PLCL2: variants seen among roughly 807,000 people sequenced by gnomAD.
The protein encoded by PLCL2 is inactive phospholipase C-like protein 2.
Under a neutral mutation model 79.6 loss-of-function variants are expected in PLCL2, and 4 were observed. The observed-to-expected ratio is 0.05, with a 90% CI of 0.02 to 0.11. PLCL2 has a LOEUF of 0.11. Ranked by LOEUF, PLCL2 falls within the 10% of genes least tolerant of loss-of-function variation. PLCL2 has a pLI of 1.00. For missense variants in PLCL2, 895 were observed against 1,291.0 expected, an observed-to-expected ratio of 0.69 and a Z score of 4.70; for synonymous variants, 484 against 457.7, an observed-to-expected ratio of 1.06 and a Z score of -0.73.
At chr3:16,972,892 G>A (rs1254663465) in intron 1 of PLCL2, among the ~76,000 whole-genome samples, 2 of 151,904 alleles carry the variant, frequency 1.3e-5, no homozygotes, top group African/African-American at 4.8e-5. Flanking sequence ...ATATAAAATG[G>A]GTCTCTTAAA....
intron 1 of PLCL2, among the ~76,000 whole-genome samples, chr3:16,986,490 C>T (rs2064051782): frequency 2.6e-5 from 4 of 152,116 alleles, no homozygotes; most frequent in South Asian, 2.1e-4. Flanking sequence ...CAACCCCCAC[C>T]GCCTGAGTTC....
intron 1 of PLCL2, among the ~76,000 whole-genome samples, chr3:16,999,674 T>C (rs2064187502): frequency 6.6e-6 from 1 of 152,194 alleles, no homozygotes; most frequent in Non-Finnish European, 1.5e-5. Context: ...CTGTGGGTGA[T>C]TCCTAAACTA....
chr3:16,885,223 G>A lies in PLCL2; in HGVS notation c.184G>A (p.Gly62Ser). Reference sequence around the variant, plus strand: ...GGTTTCCAACGGAGACTGCAGCCTCGGCGTGTCCGGGGACGAAGCCCGGGC... The same window carrying A: ...GGTTTCCAACGGAGACTGCAGCCTCAGCGTGTCCGGGGACGAAGCCCGGGC... Reference protein sequence around the residue: ...GGVSNGDCSLGVSGDEARASP... With the variant: ...GGVSNGDCSLSVSGDEARASP... The change falls in exon 1 of 6, where the codon GGC becomes AGC. Residue 62 changes from glycine (G) to serine (S), a missense_variant. Transcript: ENST00000615277. The A allele has an allele frequency of 1.5e-6, 1 of 660,552 alleles. No individual in the cohort carries two copies. The highest frequency in any genetic ancestry group is 2.7e-6 in the Non-Finnish European group (1 of 365,694). The allele number at this position is 660,552 out of a possible 1,614,324, so 40.9% of individuals were successfully genotyped here. A position where few individuals can be genotyped will look rare whatever the true frequency, so the allele number is the denominator to read the frequency against.
chr3:17,041,900 C>T (rs1182351489), intron 3 of PLCL2, among the ~76,000 whole-genome samples: 6 of 151,928 alleles, frequency 3.9e-5, no homozygotes, highest in African/African-American at 1.5e-4. Flanking sequence ...GCTATGATTG[C>T]ACCACTGCAC....
At chr3:16,979,813 C>A (rs1406688261) in intron 1 of PLCL2, among the ~76,000 whole-genome samples, 2 of 149,830 alleles carry the variant, frequency 1.3e-5, no homozygotes, top group East Asian at 4.1e-4. Context: ...TCCACAAAAC[C>A]GCCATTGTCA....
chr3:17,081,344 A>G (rs2065160569), intron 5 of PLCL2: 1 of 436,428 alleles, frequency 2.3e-6, no homozygotes, highest in Non-Finnish European at 4.6e-6. Context: ...GCTGTCTTCA[A>G]CATCCAAGCA....
intron 1 of PLCL2, among the ~76,000 whole-genome samples, chr3:16,963,833 G>A (rs1028965795): frequency 1.3e-5 from 2 of 151,784 alleles, no homozygotes; most frequent in Non-Finnish European, 2.9e-5. Context: ...GGCTGGTCAG[G>A]AATTGGAACC....
At chr3:17,025,450 G>A (rs987235064) in intron 3 of PLCL2, among the ~76,000 whole-genome samples, 3 of 152,162 alleles carry the variant, frequency 2.0e-5, no homozygotes, top group African/African-American at 2.4e-5. Context: ...GCCATGATGA[G>A]CTGCTCTATA....
chr3:17,060,997 AAACT>A (rs1471314261), intron 4 of PLCL2, among the ~76,000 whole-genome samples: 1 of 152,340 alleles, frequency 6.6e-6, no homozygotes, highest in East Asian at 1.9e-4. Context: ...TTCAGTTGAA[AAACT>A]AATCTTTAAG....
intron 1 of PLCL2, among the ~76,000 whole-genome samples, chr3:16,902,802 G>T: frequency 6.8e-6 from 1 of 147,822 alleles, no homozygotes. Flanking sequence ...ACTCCAGCCT[G>T]GTAAACAGAG....
At chr3:17,060,307 TC>T (rs2064937781) in intron 4 of PLCL2, among the ~76,000 whole-genome samples, 1 of 152,240 alleles carries the variant, frequency 6.6e-6, no homozygotes, top group African/African-American at 2.4e-5. Context: ...GATCTTGTCA[TC>T]CATCTGGGTT....
intron 1 of PLCL2, among the ~76,000 whole-genome samples, chr3:16,898,337 A>G (rs563024573): frequency 2.6e-5 from 4 of 152,220 alleles, no homozygotes; most frequent in Admixed American, 2.6e-4. Context: ...ACTCAGTAAT[A>G]TTTACCAAGT....
At chr3:17,059,855 C>T (rs2064931048) in intron 4 of PLCL2, among the ~76,000 whole-genome samples, 1 of 152,080 alleles carries the variant, frequency 6.6e-6, no homozygotes, top group South Asian at 2.1e-4. Flanking sequence ...AAATTAAAAT[C>T]GGAAGAGGTG....
At chr3:16,919,822 T>C (rs1007592275) in intron 1 of PLCL2, among the ~76,000 whole-genome samples, 2 of 152,174 alleles carry the variant, frequency 1.3e-5, no homozygotes, top group Non-Finnish European at 2.9e-5. Context: ...AGTGTTCTTC[T>C]TGGGAATCCT....
intron 1 of PLCL2, among the ~76,000 whole-genome samples, chr3:16,941,715 A>G (rs2063548416): frequency 6.6e-6 from 1 of 152,124 alleles, no homozygotes; most frequent in Non-Finnish European, 1.5e-5. Context: ...CTGTTCTTCC[A>G]TAGCACCGCA....
At chr3:16,960,061 C>T (rs1290656124) in intron 1 of PLCL2, among the ~76,000 whole-genome samples, 7 of 152,048 alleles carry the variant, frequency 4.6e-5, no homozygotes, top group Admixed American at 2.0e-4. Context: ...GCCGAGATTG[C>T]GCCACTGCAC....
At chr3:16,903,595 A>G (rs907955824) in intron 1 of PLCL2, among the ~76,000 whole-genome samples, 4 of 152,218 alleles carry the variant, frequency 2.6e-5, no homozygotes, top group African/African-American at 9.6e-5. Flanking sequence ...GGTTCTTGCC[A>G]GTGAAAGTGT....
At chr3:16,986,841 A>T (rs1288679181) in intron 1 of PLCL2, among the ~76,000 whole-genome samples, 3 of 152,268 alleles carry the variant, frequency 2.0e-5, no homozygotes, top group Non-Finnish European at 4.4e-5. Context: ...GATCAAGCTG[A>T]CGATAGCCCG....
At chr3:16,957,335 G>A (rs1282093083) in intron 1 of PLCL2, among the ~76,000 whole-genome samples, 12 of 152,060 alleles carry the variant, frequency 7.9e-5, no homozygotes, top group Admixed American at 3.3e-4. Flanking sequence ...GTAGTTGAGC[G>A]GTTTTGAGTG....
Sources: gnomAD v4.1 joint callset for allele counts (sites outside exome capture counted in the v4.1 genomes callset) on GRCh38, gnomAD v4.1.1 for gene constraint, MANE v1.5 for transcripts, NCBI Gene and HGNC (gene_info 2026-07-23, HGNC 2026-07-21) for gene names.